Variants in PAX5 observed in about 807,000 individuals in gnomAD.
PAX5 encodes the protein paired box protein Pax-5.
In PAX5, 9 loss-of-function variants were observed where a neutral mutation model predicts 43.7. That is an observed-to-expected ratio of 0.21 (90% confidence interval 0.12 to 0.36). PAX5 has a LOEUF of 0.36. PAX5 is among the 10% of genes least tolerant of loss of function. The pLI is 1.00. For synonymous variants in PAX5, 228 were observed against 214.3 expected (o/e 1.06, Z -0.56); for missense variants, 383 against 532.7 (o/e 0.72, Z 2.77).
intron 7 of PAX5, among the ~76,000 whole-genome samples, chr9:36,886,813 A>C (rs1826942474): frequency 6.6e-6 from 1 of 152,198 alleles, no homozygotes; most frequent in East Asian, 1.9e-4. Flanking sequence ...CCTCCTATTA[A>C]TGGCACGTAA....
intron 7 of PAX5, among the ~76,000 whole-genome samples, chr9:36,908,025 C>T (rs56745758): frequency 7.2e-5 from 11 of 152,138 alleles, no homozygotes; most frequent in East Asian, 1.9e-4. Context: ...CATGGCAAAA[C>T]GCTGTCTCTA....
chr9:36,946,037 AG>A (rs1832474723), intron 6 of PAX5, among the ~76,000 whole-genome samples: 1 of 152,060 alleles, frequency 6.6e-6, no homozygotes, highest in Non-Finnish European at 1.5e-5. Flanking sequence ...AACAGCACGC[AG>A]GAAACTCTGC....
intron 1 of PAX5, among the ~76,000 whole-genome samples, chr9:37,029,734 C>A (rs886620893): frequency 1.3e-5 from 2 of 152,196 alleles, no homozygotes; most frequent in Admixed American, 6.5e-5. Flanking sequence ...AGTGACACCC[C>A]CACCCCCAGC....
intron 6 of PAX5, among the ~76,000 whole-genome samples, chr9:36,944,339 T>G (rs770305546): frequency 1.3e-5 from 2 of 152,138 alleles, no homozygotes; most frequent in South Asian, 2.1e-4. Flanking sequence ...ATTTTTTAGA[T>G]GAAGAAACTG....
At chr9:36,886,441 G>C (rs985634998) in intron 7 of PAX5, among the ~76,000 whole-genome samples, 1 of 152,064 alleles carries the variant, frequency 6.6e-6, no homozygotes, top group Non-Finnish European at 1.5e-5. Context: ...GAACTCTCCC[G>C]GCACCAAGCT....
intron 1 of PAX5, among the ~76,000 whole-genome samples, chr9:37,021,456 T>C (rs1839850770): frequency 6.6e-6 from 1 of 152,060 alleles, no homozygotes; most frequent in Non-Finnish European, 1.5e-5. Context: ...ACAAAAGAAA[T>C]GGGTCATAGC....
chr9:37,010,109 A>C (rs911774577), intron 3 of PAX5, among the ~76,000 whole-genome samples: 6 of 152,218 alleles, frequency 3.9e-5, no homozygotes, highest in Non-Finnish European at 5.9e-5. Flanking sequence ...AACAACTCTA[A>C]ACAAATTTTA....
intron 6 of PAX5, among the ~76,000 whole-genome samples, chr9:36,942,082 G>A (rs1218809859): frequency 6.6e-6 from 1 of 152,234 alleles, no homozygotes; most frequent in Non-Finnish European, 1.5e-5. Flanking sequence ...GGCAGCTGAT[G>A]GCTGAAACAT....
intron 8 of PAX5, among the ~76,000 whole-genome samples, chr9:36,862,154 C>G (rs1314582989): frequency 6.6e-6 from 1 of 152,130 alleles, no homozygotes; most frequent in African/African-American, 2.4e-5. Context: ...CTCTCTACCT[C>G]TCGCTAAGCC....
intron 8 of PAX5, among the ~76,000 whole-genome samples, chr9:36,878,142 A>G (rs1325008120): frequency 1.3e-5 from 2 of 151,896 alleles, no homozygotes; most frequent in Non-Finnish European, 2.9e-5. Flanking sequence ...CTGACTTCAG[A>G]CTCCTGTGCT....
chr9:36,934,269 G>A (rs1831370803), intron 6 of PAX5, among the ~76,000 whole-genome samples: 1 of 152,264 alleles, frequency 6.6e-6, no homozygotes, highest in Non-Finnish European at 1.5e-5. Flanking sequence ...AAGCCCAGAA[G>A]AGAGATCAGA....
At chr9:36,912,515 A>AT (rs972327880) in intron 7 of PAX5, among the ~76,000 whole-genome samples, 3 of 152,158 alleles carry the variant, frequency 2.0e-5, no homozygotes, top group African/African-American at 7.2e-5. Context: ...TTGAACTGGG[A>AT]TTTTTTTAGT....
At chr9:36,933,709 C>A (rs757671271) in intron 6 of PAX5, among the ~76,000 whole-genome samples, 1 of 152,212 alleles carries the variant, frequency 6.6e-6, no homozygotes, top group Non-Finnish European at 1.5e-5. Flanking sequence ...GAATGCCCTG[C>A]GTTCTTTAAA....
intron 1 of PAX5, among the ~76,000 whole-genome samples, chr9:37,031,783 G>A (rs943804992): frequency 3.3e-5 from 5 of 152,122 alleles, no homozygotes; most frequent in Non-Finnish European, 7.4e-5. Context: ...CCTTATTTTG[G>A]GCTTAGAGCC....
intron 5 of PAX5, among the ~76,000 whole-genome samples, chr9:36,984,852 C>T (rs1836262915): frequency 1.3e-5 from 2 of 152,198 alleles, no homozygotes; most frequent in Admixed American, 1.3e-4. Flanking sequence ...CACCATCAGC[C>T]TTGTACAGCT....
At chr9:37,027,058 GT>G in intron 1 of PAX5, among the ~76,000 whole-genome samples, 1 of 152,306 alleles carries the variant, frequency 6.6e-6, no homozygotes, top group Non-Finnish European at 1.5e-5. Flanking sequence ...TGCTTCTGAG[GT>G]CCCTCCTCGA....
intron 6 of PAX5, among the ~76,000 whole-genome samples, chr9:36,943,978 G>A (rs1258938846): frequency 6.6e-6 from 1 of 152,096 alleles, no homozygotes; most frequent in Non-Finnish European, 1.5e-5. Flanking sequence ...TGGAGGCCAG[G>A]AGTTTGAGAC....
chr9:36,966,460 C>T, intron 6 of PAX5, 89 bp downstream of exon 6: 1 of 1,440,900 alleles, frequency 6.9e-7, no homozygotes, highest in South Asian at 1.3e-5. Context: ...TGCCCTCACC[C>T]ACACCCCGCC....
intron 7 of PAX5, among the ~76,000 whole-genome samples, chr9:36,903,821 C>A (rs535070503): frequency 1.3e-5 from 2 of 152,318 alleles, no homozygotes; most frequent in Non-Finnish European, 1.5e-5. Flanking sequence ...CCGGCCCCTA[C>A]ACGTGGCCTG....
Sources: allele counts gnomAD v4.1 joint callset (sites outside exome capture counted in the v4.1 genomes callset), GRCh38; gene constraint gnomAD v4.1.1; transcripts MANE v1.5; gene names NCBI Gene and HGNC (gene_info 2026-07-23, HGNC 2026-07-21).